The following SYN3 variants were observed in gnomAD, a reference collection of about 807,000 sequenced individuals.
The protein encoded by SYN3 is synapsin-3.
A neutral mutation model predicts 65.8 loss-of-function variants in SYN3; 35 were observed. The observed-to-expected ratio is 0.53, with a 90% CI of 0.41 to 0.70. The LOEUF (loss-of-function observed/expected upper bound fraction) is 0.70, where lower values mean the gene tolerates loss of function less well. Among genes scored for constraint, SYN3 ranks in the 30% least tolerant of loss-of-function variants. The pLI is 0.00. For missense variants in SYN3, 680 were observed against 749.0 expected, an observed-to-expected ratio of 0.91 and a Z score of 1.08; for synonymous variants, 270 against 292.9, an observed-to-expected ratio of 0.92 and a Z score of 0.80.
At chr22:32,955,103 T>G (rs1396960083) in intron 3 of SYN3, among the ~76,000 whole-genome samples, 1 of 151,984 alleles carries the variant, frequency 6.6e-6, no homozygotes, top group Non-Finnish European at 1.5e-5. Context: ...TCATTTACCC[T>G]CCATATGATC....
chr22:32,741,971 G>A (rs921251286), intron 6 of SYN3, among the ~76,000 whole-genome samples: 2 of 152,050 alleles, frequency 1.3e-5, no homozygotes, highest in African/African-American at 4.8e-5. Flanking sequence ...TTCCAGACAG[G>A]AAGTTAAAGC....
intron 6 of SYN3, among the ~76,000 whole-genome samples, chr22:32,619,749 T>C (rs930550017): frequency 1.3e-5 from 2 of 152,174 alleles, no homozygotes; most frequent in Non-Finnish European, 2.9e-5. Context: ...GCCTTGAGAC[T>C]TTCTTTGGCC....
At chr22:32,540,662 G>A (rs375745602) in intron 8 of SYN3, among the ~76,000 whole-genome samples, 29 of 152,296 alleles carry the variant, frequency 1.9e-4, no homozygotes, top group African/African-American at 6.7e-4. Context: ...CACCTCTAGG[G>A]TGAAGGCGGG....
At chr22:32,653,952 C>A (rs1297493736) in intron 6 of SYN3, among the ~76,000 whole-genome samples, 1 of 152,180 alleles carries the variant, frequency 6.6e-6, no homozygotes, top group Non-Finnish European at 1.5e-5. Flanking sequence ...GTTCTGTGAA[C>A]ACGTGCCACT....
intron 6 of SYN3, among the ~76,000 whole-genome samples, chr22:32,627,361 G>A (rs962440980): frequency 2.6e-5 from 4 of 152,116 alleles, no homozygotes; most frequent in Non-Finnish European, 5.9e-5. Flanking sequence ...TAGTGTGTAC[G>A]TATGCTGCAG....
intron 4 of SYN3, among the ~76,000 whole-genome samples, chr22:32,923,342 G>A (rs887571652): frequency 5.3e-5 from 8 of 152,034 alleles, no homozygotes; most frequent in African/African-American, 9.7e-5. Flanking sequence ...CTGACCACAC[G>A]GTGAGGGAAG....
chr22:32,912,485 G>A (rs2050077181), intron 4 of SYN3, among the ~76,000 whole-genome samples: 1 of 152,142 alleles, frequency 6.6e-6, no homozygotes, highest in African/African-American at 2.4e-5. Flanking sequence ...AGAGGTCGAG[G>A]TGGGAGGGTA....
rs995944978 is a variant in SYN3, at chr22:32,700,346, T to C, written c.712-103610A>G. 4.6e-5 allele frequency among the ~76,000 whole-genome samples: 7 copies of C among 152,302 alleles called. No individual in the cohort carries two copies. In the East Asian group the frequency reaches 1.2e-3, roughly 25 times the overall value. ...TGGAAGGGATGTGGCTCCTGCATTATCTGGTCCCAACTCCAGCTCCAGGAT... is the reference window on the plus strand; with the variant it reads ...TGGAAGGGATGTGGCTCCTGCATTACCTGGTCCCAACTCCAGCTCCAGGAT... On this transcript the variant is annotated intron_variant, in intron 6 of 13. Coordinates refer to ENST00000358763, the MANE Select transcript of SYN3 (RefSeq NM_003490.4).
At chr22:32,540,264 G>A (rs891107914) in intron 8 of SYN3, among the ~76,000 whole-genome samples, 37 of 152,216 alleles carry the variant, frequency 2.4e-4, no homozygotes, top group African/African-American at 7.2e-4. Flanking sequence ...GGGCGTGCAT[G>A]GCTGTGATCA....
chr22:32,738,729 G>T (rs946720874), intron 6 of SYN3, among the ~76,000 whole-genome samples: 2 of 152,250 alleles, frequency 1.3e-5, no homozygotes, highest in African/African-American at 4.8e-5. Flanking sequence ...AGCAGGCAAA[G>T]ACATGGGATT....
chr22:32,583,758 G>A (rs1196754031), intron 7 of SYN3: 1 of 152,082 alleles, frequency 6.6e-6, no homozygotes, highest in African/African-American at 2.4e-5. Context: ...GTAACTGAGA[G>A]TCAGGTAGCA....
intron 4 of SYN3, among the ~76,000 whole-genome samples, chr22:32,903,845 G>A (rs1482030285): frequency 6.6e-6 from 1 of 152,250 alleles, no homozygotes; most frequent in African/African-American, 2.4e-5. Context: ...CCAGCTAGCT[G>A]GAGCAAAGCA....
intron 6 of SYN3, among the ~76,000 whole-genome samples, chr22:32,757,994 CTG>C (rs1231669047): frequency 1.3e-5 from 2 of 152,242 alleles, no homozygotes; most frequent in Non-Finnish European, 2.9e-5. Context: ...AGGACTGTAA[CTG>C]TCATGAGTAT....
chr22:32,510,016 G>A lies in SYN3; in HGVS notation c.*3676C>T, dbSNP rs1373801568. On this transcript the variant is annotated 3_prime_UTR_variant, in exon 14 of 14. Coordinates refer to ENST00000358763, the MANE Select transcript of SYN3 (RefSeq NM_003490.4). The stretch of plus-strand genomic sequence containing the variant: ...GCGGCTGTTGTACACAGATACTGGA[G>A]TATCTGGGAGATATCCTTTGGATGC... Among the ~76,000 whole-genome samples, 2 of 152,190 alleles carry A rather than the reference G, an allele frequency of 1.3e-5. No individual in the cohort carries two copies. Among genetic ancestry groups the A allele is most frequent in the African/African-American group, 2.4e-5 (1 of 41,460 alleles).
chr22:33,016,570 T>C (rs980458981), intron 1 of SYN3, among the ~76,000 whole-genome samples: 1 of 152,254 alleles, frequency 6.6e-6, no homozygotes, highest in Non-Finnish European at 1.5e-5. Flanking sequence ...CACTTGTATC[T>C]GACATCTTTC....
intron 6 of SYN3, among the ~76,000 whole-genome samples, chr22:32,842,676 A>G (rs112153811): frequency 1.3e-5 from 2 of 152,278 alleles, no homozygotes; most frequent in African/African-American, 4.8e-5. Context: ...ATTAACTTCA[A>G]ACTTCCTGTG....
At chr22:32,794,749 A>G (rs116927753) in intron 6 of SYN3, among the ~76,000 whole-genome samples, 5,815 of 152,216 alleles carry the variant, frequency 0.038, 174 homozygotes, top group Non-Finnish European at 0.056. Flanking sequence ...GAGAGGCCTG[A>G]GAGGGGGTGG....
chr22:32,731,806 T>C (rs1450319714), intron 6 of SYN3, among the ~76,000 whole-genome samples: 2 of 152,128 alleles, frequency 1.3e-5, no homozygotes, highest in Non-Finnish European at 2.9e-5. Flanking sequence ...GGCAGTAGCA[T>C]GATGTAGTAG....
chr22:32,894,825 T>C (rs1287095929), intron 4 of SYN3, among the ~76,000 whole-genome samples: 1 of 152,168 alleles, frequency 6.6e-6, no homozygotes, highest in Non-Finnish European at 1.5e-5. Flanking sequence ...GAGGCCTGCA[T>C]AGAATAAAAA....
Sources: allele counts gnomAD v4.1 joint callset (sites outside exome capture counted in the v4.1 genomes callset), GRCh38; gene constraint gnomAD v4.1.1; transcripts MANE v1.5; gene names NCBI Gene and HGNC (gene_info 2026-07-23, HGNC 2026-07-21).